The following NRXN1 variants were observed in gnomAD, a reference collection of about 807,000 sequenced individuals.
NRXN1 encodes the protein neurexin 1.
NRXN1 carries 39 observed loss-of-function variants against 150.9 expected under a neutral mutation model. That is an observed-to-expected ratio of 0.26 (90% CI 0.20 to 0.34). The LOEUF is 0.34. Among genes scored for constraint, NRXN1 ranks in the 10% least tolerant of loss-of-function variants. The pLI is 1.00. For missense variants in NRXN1, 1,815 were observed against 1,949.9 expected (o/e 0.93, Z 1.30); for synonymous variants, 924 against 757.0 (o/e 1.22, Z -3.62).
Position 50,279,109 on chromosome 2 carries a change from C to T in NRXN1, c.3365-42139G>A, listed in dbSNP as rs7603800. ...AGGGACTATCCTATTTTGTGGGAAC[C>T]ACTCTTCAAATCATTGGCCTGTACA... On this transcript the variant is annotated intron_variant, in intron 17 of 22. Coordinates refer to ENST00000401669, the MANE Select transcript of NRXN1 (RefSeq NM_001330078.2). Among the ~76,000 whole-genome samples, 734 of 152,178 alleles carry T rather than the reference C, an allele frequency of 4.8e-3. 8 individuals are homozygous for T. The highest frequency in any genetic ancestry group is 0.017 in the African/African-American group (694 of 41,516).
intron 19 of NRXN1, among the ~76,000 whole-genome samples, chr2:50,062,799 C>G (rs565813573): frequency 6.6e-6 from 1 of 152,126 alleles, no homozygotes; most frequent in African/African-American, 2.4e-5. Context: ...AATTTCTCCT[C>G]AGAAATAAAA....
At chr2:50,478,252 AAAT>A (rs1329318456) in intron 15 of NRXN1, among the ~76,000 whole-genome samples, 2 of 152,236 alleles carry the variant, frequency 1.3e-5, no homozygotes, top group Middle Eastern at 3.2e-3. Flanking sequence ...CTGCTTAAAT[AAAT>A]AATATTAAAC....
intron 17 of NRXN1, among the ~76,000 whole-genome samples, chr2:50,331,158 A>T (rs375125222): frequency 2.6e-5 from 4 of 152,184 alleles, no homozygotes; most frequent in African/African-American, 9.6e-5. Context: ...TGGAAAAGAC[A>T]TTATAAAATC....
chr2:50,495,887 G>C lies in NRXN1; in HGVS notation c.3070+18C>G. On this transcript the variant is annotated intron_variant, in intron 15 of 22. Transcript: ENST00000401669. ...CGTGTGGTGCAAGGCTCGTTGCTCT[G>C]ACTTAACATGCACTTACTCTTGAGG... 1 of 1,567,976 alleles carries C rather than the reference G, an allele frequency of 6.4e-7. No homozygotes were observed. The highest frequency in any genetic ancestry group is 8.6e-7 in the Non-Finnish European group (1 of 1,156,178).
chr2:50,413,010 GA>G (rs2083298164), intron 17 of NRXN1, among the ~76,000 whole-genome samples: 1 of 152,088 alleles, frequency 6.6e-6, no homozygotes, highest in Admixed American at 6.5e-5. Context: ...AAATCTCCAG[GA>G]CATTTTTTTG....
chr2:50,664,175 A>G lies in NRXN1; in HGVS notation c.833-40560T>C, dbSNP rs1323279166. On this transcript the variant is annotated intron_variant, in intron 5 of 22. Coordinates refer to ENST00000401669, the MANE Select transcript of NRXN1 (RefSeq NM_001330078.2). ...TTTATGAATGCTAAAAGGAATATTA[A>G]AATTTATTGCAGAAAACCTTCTGCA... Among the ~76,000 whole-genome samples, 3 of 152,088 alleles carry G rather than the reference A, an allele frequency of 2.0e-5. No homozygotes were observed. The East Asian group carries it at 5.8e-4, about 30-fold the overall frequency.
At chr2:50,505,621 A>T (rs1000005036) in intron 13 of NRXN1, among the ~76,000 whole-genome samples, 2 of 151,962 alleles carry the variant, frequency 1.3e-5, no homozygotes, top group Admixed American at 6.6e-5. Context: ...TGCCCTGTAA[A>T]TTTTTTTTAC....
chr2:49,956,262 C>A (rs1573037302), intron 21 of NRXN1, among the ~76,000 whole-genome samples: 1 of 152,132 alleles, frequency 6.6e-6, no homozygotes, highest in Non-Finnish European at 1.5e-5. Flanking sequence ...TAGAGTTTTA[C>A]AAAAACGTTT....
In NRXN1 at chr2:50,587,996, T is replaced by G. The variant is rs9784074; in HGVS notation, c.1320+32026A>C. On this transcript the variant is annotated intron_variant, in intron 8 of 22. Coordinates refer to ENST00000401669, the MANE Select transcript of NRXN1 (RefSeq NM_001330078.2). ...AATGATCTTCTTTGTGAGTGCCTAT[T>G]ATATTCTAGGCACTCAATAAGACTA... is the stretch of plus-strand genomic sequence containing the variant. 7.2e-3 allele frequency among the ~76,000 whole-genome samples: 1,103 copies of G among 152,306 alleles called. 11 individuals carry two copies. The highest frequency in any genetic ancestry group is 0.025 in the African/African-American group (1,040 of 41,562).
At chr2:49,950,707 A>G (rs2104450952) in intron 21 of NRXN1, among the ~76,000 whole-genome samples, 1 of 152,054 alleles carries the variant, frequency 6.6e-6, no homozygotes, top group South Asian at 2.1e-4. Context: ...CACCAATAGC[A>G]TCCTTATCTG....
intron 5 of NRXN1, among the ~76,000 whole-genome samples, chr2:50,718,632 GTA>G (rs1403687102): frequency 2.0e-5 from 3 of 152,154 alleles, no homozygotes; most frequent in African/African-American, 7.2e-5. Flanking sequence ...ACTAATTGCA[GTA>G]TGAGGAAAAT....
chr2:50,849,984 T>A (rs1460967375), intron 5 of NRXN1, among the ~76,000 whole-genome samples: 1 of 151,990 alleles, frequency 6.6e-6, no homozygotes, highest in Non-Finnish European at 1.5e-5. Context: ...GGCAGGAAGA[T>A]CGCTTGAGCC....
At chr2:50,831,444 G>A (rs1421126113) in intron 5 of NRXN1, among the ~76,000 whole-genome samples, 1 of 152,148 alleles carries the variant, frequency 6.6e-6, no homozygotes, top group Non-Finnish European at 1.5e-5. Flanking sequence ...ATTAGACTAT[G>A]TTCCTAGAAG....
chr2:50,247,133 T>C (rs1210922427), intron 17 of NRXN1, among the ~76,000 whole-genome samples: 3 of 152,034 alleles, frequency 2.0e-5, no homozygotes, highest in African/African-American at 7.2e-5. Flanking sequence ...ATTGGAATGA[T>C]TTCACCTAAT....
At chr2:51,024,452 C>A (rs112810233) in intron 2 of NRXN1, among the ~76,000 whole-genome samples, 7 of 152,170 alleles carry the variant, frequency 4.6e-5, no homozygotes, top group Non-Finnish European at 1.0e-4. Flanking sequence ...AGAAAAAGGG[C>A]TTGGGAACAA....
chr2:50,053,290 G>T lies in NRXN1; in HGVS notation c.4109C>A (p.Thr1370Lys). The change falls in exon 21 of 23, where the codon ACA (threonine) becomes AAA (lysine). Residue 1370 changes from threonine to lysine, a missense_variant. Physicochemically the swap from Thr to Lys is moderately conservative, Grantham distance 78. Transcript: ENST00000401669. ...GCTCACCTGGCTAATGGGTTCTTTT[G>T]TCGGGGGCTTTCCTCTTCTGGCTGT... is the stretch of plus-strand genomic sequence containing the variant. The part of the protein sequence containing the change: ...TSTARRGKPP[T>K]KEPISQTTDD... The T allele has an allele frequency of 6.2e-7, 1 of 1,613,928 alleles. No individual in the cohort carries two copies. Among genetic ancestry groups the T allele is most frequent in the Non-Finnish European group, 8.5e-7 (1 of 1,179,850 alleles).
At chr2:51,026,253 C>A in intron 2 of NRXN1, 1 of 691,158 alleles carries the variant, frequency 1.4e-6, no homozygotes, top group Non-Finnish European at 2.6e-6. Context: ...CCCATTTCAG[C>A]CACAAATGCC....
intron 18 of NRXN1, among the ~76,000 whole-genome samples, chr2:50,215,684 T>C (rs754529321): frequency 6.6e-6 from 1 of 152,024 alleles, no homozygotes; most frequent in Non-Finnish European, 1.5e-5. Flanking sequence ...TGCTATTAAC[T>C]TTAAAACAAT....
chr2:50,104,899 C>T (rs114009049), intron 18 of NRXN1, among the ~76,000 whole-genome samples: 1,790 of 152,078 alleles, frequency 0.012, 36 homozygotes, highest in African/African-American at 0.041. Flanking sequence ...TCAAGTAAAA[C>T]ATCAAGTACT....
Sources: allele counts gnomAD v4.1 joint callset (sites outside exome capture counted in the v4.1 genomes callset), GRCh38; gene constraint gnomAD v4.1.1; transcripts MANE v1.5; gene names NCBI Gene and HGNC (gene_info 2026-07-23, HGNC 2026-07-21).